Variants in GAS6 observed in about 807,000 individuals in gnomAD.
The protein encoded by GAS6 is growth arrest-specific protein 6.
A neutral mutation model predicts 75.8 loss-of-function variants in GAS6; 41 were observed. The observed-to-expected ratio is 0.54, with a 90% CI of 0.42 to 0.70. The LOEUF (loss-of-function observed/expected upper bound fraction) is 0.70, where lower values mean the gene tolerates loss of function less well. Among genes scored for constraint, GAS6 ranks in the 30% least tolerant of loss-of-function variants. The pLI, the probability that GAS6 is intolerant of heterozygous loss-of-function variation, is 0.00. For synonymous variants in GAS6, 432 were observed against 412.6 expected, an observed-to-expected ratio of 1.05 and a Z score of -0.57; for missense variants, 854 against 940.2, an observed-to-expected ratio of 0.91 and a Z score of 1.20.
At chr13:113,833,016 T>C in intron 8 of GAS6, 2 of 1,372,124 alleles carry the variant, frequency 1.5e-6, no homozygotes, top group Admixed American at 3.0e-5. Flanking sequence ...CCCTTGACCC[T>C]TTATTTTTAA....
chr13:113,822,241 T>C, intron 13 of GAS6, 55 bp from the exon 14 acceptor site: 1 of 1,377,620 alleles, frequency 7.3e-7, no homozygotes. Context: ...CGTGAGCTGT[T>C]AGGTCCAAGC....
At chr13:113,851,980 A>T (rs113742152) in intron 2 of GAS6, among the ~76,000 whole-genome samples, 2,016 of 152,128 alleles carry the variant, frequency 0.013, 43 homozygotes, top group African/African-American at 0.043. Context: ...GGTCTCTCGG[A>T]GGTTTGTGTG....
chr13:113,846,542 C>T lies in GAS6; in HGVS notation c.328G>A (p.Ala110Thr), dbSNP rs1192675106. The T allele has an allele frequency of 9.3e-6, 15 of 1,613,872 alleles. No individual in the cohort carries two copies. Among genetic ancestry groups the T allele is most frequent in the Admixed American group, 1.7e-5 (1 of 59,998 alleles). ...GCCGACTTACTTTGCACGCAGGTGG[C>T]GAAGCCTGAGTTTTTGGTGTACGGA... is the stretch of plus-strand genomic sequence containing the variant. ...GSPYTKNSGF[A>T]TCVQNLPDQC... Residue 110 changes from alanine to threonine, a missense_variant, in exon 4 of 15, where the codon GCC (alanine) becomes ACC (threonine). Ala to Thr is a moderately conservative substitution (Grantham distance 58, BLOSUM62 0). Transcript: ENST00000327773.
At chr13:113,843,148 A>T in intron 4 of GAS6, 1 of 300,480 alleles carries the variant, frequency 3.3e-6, no homozygotes, top group Non-Finnish European at 6.0e-6. Context: ...GAGGGCACCC[A>T]CTTCCCTGAC....
In GAS6 at chr13:113,848,874, G is replaced by A. The variant is rs916905763; in HGVS notation, c.256-824C>T. On this transcript the variant is annotated intron_variant, in intron 2 of 14. Coordinates refer to ENST00000327773, the MANE Select transcript of GAS6 (RefSeq NM_000820.4). This position sits in a 1 kb window ranked among gnomAD's most constrained non-coding sequence, Gnocchi z 4.8. ...CCCATTATCAGGAATGAGGAAACCC[G>A]GCTTCAGGATGGTTGTGGGATTCAC... is the stretch of plus-strand genomic sequence containing the variant. 9.2e-5 allele frequency among the ~76,000 whole-genome samples: 14 copies of A among 152,184 alleles called. No individual in the cohort carries two copies. The highest frequency in any genetic ancestry group is 3.3e-4 in the Admixed American group (5 of 15,284).
At chr13:113,832,116 C>T (rs940608166) in intron 10 of GAS6, among the ~76,000 whole-genome samples, 183 bp downstream of exon 10, 8 of 150,166 alleles carry the variant, frequency 5.3e-5, no homozygotes, top group Admixed American at 2.6e-4. Flanking sequence ...ATGAACTAAA[C>T]GGGGCAGGGG....
chr13:113,859,086 A>G (rs1286320073), intron 2 of GAS6, among the ~76,000 whole-genome samples: 1 of 146,658 alleles, frequency 6.8e-6, no homozygotes, highest in African/African-American at 2.6e-5. Flanking sequence ...GAATGTGTGC[A>G]TGTATGTGTG....
intron 4 of GAS6, chr13:113,842,757 G>A (rs971887041): frequency 1.0e-5 from 4 of 396,916 alleles, no homozygotes; most frequent in Admixed American, 8.8e-5. Context: ...GATGCTGTGC[G>A]CTGCCGCTAC....
At position 113,835,645 on chromosome 13, in the gene GAS6, A is replaced by G; in HGVS notation, c.590-10T>C. On this transcript the variant is annotated splice_polypyrimidine_tract_variant and intron_variant, in intron 6 of 14. Transcript: ENST00000327773. ...GCGCACTCGTCTATGTCTGCAAGCAAAAAAAAACCGGCCAACCGCAGCACA... is the reference window on the plus strand; with the variant it reads ...GCGCACTCGTCTATGTCTGCAAGCAGAAAAAAACCGGCCAACCGCAGCACA... The G allele has an allele frequency of 6.2e-7, 1 of 1,609,074 alleles. No homozygotes were observed. The highest frequency in any genetic ancestry group is 8.5e-7 in the Non-Finnish European group (1 of 1,178,496).
chr13:113,860,181 A>C (rs1250352127), intron 2 of GAS6, among the ~76,000 whole-genome samples: 1 of 152,204 alleles, frequency 6.6e-6, no homozygotes, highest in Non-Finnish European at 1.5e-5. Context: ...AGATGGGGGA[A>C]GGGAAACCTG....
rs1310614214 is a variant in GAS6, at chr13:113,820,847, C to T, written c.*17G>A. On this transcript the variant is annotated 3_prime_UTR_variant, in exon 15 of 15. Coordinates refer to ENST00000327773, the MANE Select transcript of GAS6 (RefSeq NM_000820.4). ...TCTCGGACAGAGACTGAGAAGCCTG[C>T]CGCGTCCCGTGGGGGCCTAGGCTGC... The T allele has an allele frequency of 1.9e-6, 3 of 1,605,378 alleles. No homozygotes were observed. The highest frequency in any genetic ancestry group is 2.1e-4 in the Middle Eastern group (1 of 4,762).
chr13:113,846,841 G>A (rs550638214), intron 3 of GAS6: 38 of 535,410 alleles, frequency 7.1e-5, no homozygotes, highest in South Asian at 5.4e-4. Context: ...ACCGCCCGCC[G>A]TTTCGAGGGG....
intron 4 of GAS6, chr13:113,840,292 C>T (rs1244218483): frequency 5.6e-6 from 1 of 177,220 alleles, no homozygotes; most frequent in South Asian, 1.3e-4. Context: ...CTGGGTGTGG[C>T]GGGGAGGACC....
chr13:113,860,411 C>T (rs186795664), intron 2 of GAS6, among the ~76,000 whole-genome samples: 92 of 152,308 alleles, frequency 6.0e-4, no homozygotes, highest in African/African-American at 1.8e-3. Flanking sequence ...AGGCAGGCAC[C>T]GGAGGACCTG....
chr13:113,842,251 T>G, intron 4 of GAS6: 1 of 196,672 alleles, frequency 5.1e-6, no homozygotes, highest in Non-Finnish European at 9.5e-6. Context: ...CTCCGTTTGC[T>G]TGTTTTGCAC....
chr13:113,828,200 C>T (rs7491226), intron 11 of GAS6, among the ~76,000 whole-genome samples: 48,917 of 151,824 alleles, frequency 0.32, 9,426 homozygotes, highest in African/African-American at 0.55. Context: ...GGAGGCGGAG[C>T]TTGCAGTGAG....
intron 2 of GAS6, among the ~76,000 whole-genome samples, chr13:113,853,688 C>A (rs1324143181): frequency 6.6e-6 from 1 of 152,228 alleles, no homozygotes; most frequent in Non-Finnish European, 1.5e-5. Context: ...AATTCACTAA[C>A]CCTTTGACCA....
Position 113,863,936 on chromosome 13 carries a change from C to T in GAS6, c.-16G>A. The T allele has an allele frequency of 8.9e-7, 1 of 1,123,310 alleles. No homozygotes were observed. Among genetic ancestry groups the T allele is most frequent in the Non-Finnish European group, 1.1e-6 (1 of 919,962 alleles). The allele number at this position is 1,123,310 out of a possible 1,614,324, so 69.6% of individuals were successfully genotyped here. A position where few individuals can be genotyped will look rare whatever the true frequency, so the allele number is the denominator to read the frequency against. ...AAGGGGCCATGGCGGGCCGGGGACG[C>T]GCGGTCAGAGCGCCCGGGAGGCCGA... On this transcript the variant is annotated 5_prime_UTR_variant, in exon 1 of 15. Coordinates refer to ENST00000327773, the MANE Select transcript of GAS6 (RefSeq NM_000820.4). This position sits in a 1 kb window ranked among gnomAD's most constrained non-coding sequence, Gnocchi z 9.4.
chr13:113,839,927 G>A (rs1453388418), intron 4 of GAS6, 77 bp from the exon 5 acceptor site: 15 of 1,603,590 alleles, frequency 9.4e-6, no homozygotes, highest in South Asian at 5.5e-5. Flanking sequence ...AGATCGGGGC[G>A]GCTGTGGGGT....
Sources: allele counts gnomAD v4.1 joint callset (sites outside exome capture counted in the v4.1 genomes callset), GRCh38; gene constraint gnomAD v4.1.1; non-coding constraint Gnocchi (gnomAD v3.1); transcripts MANE v1.5; gene names NCBI Gene and HGNC (gene_info 2026-07-23, HGNC 2026-07-21).